The following TNFRSF11A variants were observed in gnomAD, a reference collection of about 807,000 sequenced individuals.
TNFRSF11A encodes the protein TNF receptor superfamily member 11a.
TNFRSF11A carries 32 observed loss-of-function variants against 55.7 expected under a neutral mutation model. The observed-to-expected ratio is 0.57, with a 90% CI of 0.43 to 0.77. The LOEUF (loss-of-function observed/expected upper bound fraction) is 0.77, where lower values mean the gene tolerates loss of function less well. Among genes scored for constraint, TNFRSF11A ranks in the 30% least tolerant of loss-of-function variants. The pLI is 0.00. For missense variants in TNFRSF11A, 753 were observed against 809.8 expected, an observed-to-expected ratio of 0.93 and a Z score of 0.85; for synonymous variants, 311 against 331.0, an observed-to-expected ratio of 0.94 and a Z score of 0.65.
chr18:62,365,953 G>T (rs775168098), intron 7 of TNFRSF11A, among the ~76,000 whole-genome samples: 1 of 152,070 alleles, frequency 6.6e-6, no homozygotes, highest in Non-Finnish European at 1.5e-5. Context: ...AAGTAGCTGG[G>T]ATTACAGGAC....
chr18:62,345,361 A>G (rs1460857914), intron 1 of TNFRSF11A, among the ~76,000 whole-genome samples: 1 of 152,222 alleles, frequency 6.6e-6, no homozygotes, highest in East Asian at 1.9e-4. Context: ...CATTTACTTA[A>G]AAATATGTAC....
At chr18:62,358,979 C>A (rs368676326) in intron 5 of TNFRSF11A, among the ~76,000 whole-genome samples, 1 of 152,132 alleles carries the variant, frequency 6.6e-6, no homozygotes, top group Non-Finnish European at 1.5e-5. Context: ...TGATTTCTCA[C>A]GTATGTGAGT....
chr18:62,370,952 C>T (rs1270693859), intron 9 of TNFRSF11A, among the ~76,000 whole-genome samples: 3 of 152,056 alleles, frequency 2.0e-5, no homozygotes, highest in Non-Finnish European at 4.4e-5. Flanking sequence ...GCCTCAGCCT[C>T]CCGAGTGGCT....
chr18:62,375,061 C>T (rs1600416045), intron 9 of TNFRSF11A, among the ~76,000 whole-genome samples: 1 of 149,556 alleles, frequency 6.7e-6, no homozygotes, highest in Non-Finnish European at 1.5e-5. Context: ...TGTACCACCA[C>T]ACCCTGCTAA....
chr18:62,331,062 G>A (rs1010888129), intron 1 of TNFRSF11A: 3 of 152,126 alleles, frequency 2.0e-5, no homozygotes, highest in East Asian at 1.9e-4. Flanking sequence ...AAATTAGCCC[G>A]GCGTGAGGGT....
At position 62,369,271 on chromosome 18, in the gene TNFRSF11A, C is replaced by T. The variant is rs1226936647; in HGVS notation, c.1354C>T (p.Pro452Ser). 2 of 1,613,380 alleles carry T rather than the reference C, an allele frequency of 1.2e-6. No homozygotes were observed. Among genetic ancestry groups the T allele is most frequent in the Non-Finnish European group, 1.7e-6 (2 of 1,179,972 alleles). ...AGATGTCTGCACAGGCTGCCGGAAC[C>T]CTCCTGGGGAGGACTGTGAACCCCT... is the stretch of plus-strand genomic sequence containing the variant. ...WADVCTGCRN[P>S]PGEDCEPLVG... Residue 452 changes from proline (P) to serine (S), a missense_variant, in exon 9 of 10, where the codon CCT (proline) becomes TCT (serine). This residue lies in a region of TNFRSF11A where 567 missense variants were observed against 596.7 expected (regional missense o/e 0.95). Transcript: ENST00000586569.
chr18:62,331,756 G>T (rs1448284628), intron 1 of TNFRSF11A, among the ~76,000 whole-genome samples: 1 of 152,224 alleles, frequency 6.6e-6, no homozygotes, highest in Non-Finnish European at 1.5e-5. Context: ...ACCAAGAGCT[G>T]CGCAAAAACT....
At chr18:62,380,637 C>T (rs982845322) in intron 9 of TNFRSF11A, among the ~76,000 whole-genome samples, 9 of 151,380 alleles carry the variant, frequency 5.9e-5, no homozygotes, top group Non-Finnish European at 7.4e-5. Context: ...CAGGTTTCAC[C>T]GTGTTAACCA....
intron 1 of TNFRSF11A, among the ~76,000 whole-genome samples, chr18:62,339,643 A>C (rs2046283814): frequency 6.6e-6 from 1 of 152,222 alleles, no homozygotes; most frequent in Non-Finnish European, 1.5e-5. Flanking sequence ...TCATGCAGGT[A>C]TGGGAGAGAG....
rs547310447 is a variant in TNFRSF11A at position 62,335,860 on chromosome 18, A to G, written c.75+10433A>G. ...TTATGAGGTTACAGTGGTCTTTGAG[A>G]AAAATTATTTATTAATTTATCAAGT... On this transcript the variant is annotated intron_variant, in intron 1 of 9. Coordinates refer to ENST00000586569, the MANE Select transcript of TNFRSF11A (RefSeq NM_003839.4). Among the ~76,000 whole-genome samples, 3 of 152,322 alleles carry G rather than the reference A, an allele frequency of 2.0e-5. No homozygotes were observed. In the South Asian group the frequency reaches 6.2e-4, roughly 32 times the overall value.
chr18:62,378,647 A>G (rs1911060724), intron 9 of TNFRSF11A, among the ~76,000 whole-genome samples: 1 of 152,092 alleles, frequency 6.6e-6, no homozygotes, highest in African/African-American at 2.4e-5. Context: ...ATCTTGTTTG[A>G]CCCTTATGCT....
intron 9 of TNFRSF11A, among the ~76,000 whole-genome samples, chr18:62,376,146 T>G (rs1910876981): frequency 6.6e-6 from 1 of 152,178 alleles, no homozygotes; most frequent in Non-Finnish European, 1.5e-5. Context: ...GACAGTAGGA[T>G]GCACAGTGCG....
At chr18:62,346,978 C>A (rs2046392993) in intron 1 of TNFRSF11A, among the ~76,000 whole-genome samples, 1 of 152,170 alleles carries the variant, frequency 6.6e-6, no homozygotes, top group Non-Finnish European at 1.5e-5. Context: ...CCAAAGTCTT[C>A]CTACTTCCTC....
chr18:62,383,058 G>A lies in TNFRSF11A; in HGVS notation c.1568-1693G>A, dbSNP rs115978425. On this transcript the variant is annotated intron_variant, in intron 9 of 9. Transcript: ENST00000586569. This position sits in a 1 kb window ranked among gnomAD's most constrained non-coding sequence, Gnocchi z 4.2. ...TGCATGCCTGGCAATGTGTGGAGAG[G>A]GGGTGGAGAAGGTGCTGGGTAGGTG... 2.0e-5 allele frequency among the ~76,000 whole-genome samples: 3 copies of A among 152,136 alleles called. No individual in the cohort carries two copies. Among genetic ancestry groups the A allele is most frequent in the African/African-American group, 7.2e-5 (3 of 41,412 alleles).
intron 3 of TNFRSF11A, among the ~76,000 whole-genome samples, chr18:62,352,744 TGCAGAGCTGACTGGG>T (rs2046492031): frequency 6.6e-6 from 1 of 152,214 alleles, no homozygotes; most frequent in Non-Finnish European, 1.5e-5. Flanking sequence ...GCCTTGATGT[TGCAGAGCTGACTGGG>T]GCCTTGGAAG....
chr18:62,348,028 C>G (rs1403795951), intron 1 of TNFRSF11A, 140 bp from the exon 2 acceptor site: 1 of 711,574 alleles, frequency 1.4e-6, no homozygotes, highest in South Asian at 1.6e-5. Flanking sequence ...CATTGCACTC[C>G]AGCCTGGGCA....
Position 62,384,971 on chromosome 18 carries a change from G to A in TNFRSF11A, c.1788G>A (p.Glu596=), listed in dbSNP as rs1476789172. 2 of 1,474,088 alleles carry A rather than the reference G, an allele frequency of 1.4e-6. No homozygotes were observed. The highest frequency in any genetic ancestry group is 1.5e-5 in the African/African-American group (1 of 68,072). 91.3% of individuals were successfully genotyped at this position (1,474,088 alleles called of 1,614,324 possible). A position where few individuals can be genotyped will look rare whatever the true frequency, so the allele number is the denominator to read the frequency against. The change falls in exon 10 of 10, where the codon GAG becomes GAA. Residue 596 remains glutamate, a synonymous_variant. Coordinates refer to ENST00000586569, the MANE Select transcript of TNFRSF11A (RefSeq NM_003839.4). ...PRFPDPCGGP[E]GLREPEKASR... is the part of the protein sequence containing the mutation. Reference sequence around the variant, plus strand: ...TCCCGGACCCGTGCGGCGGCCCCGAGGGGCTGCGGGAGCCGGAGAAGGCCT... The same window carrying A: ...TCCCGGACCCGTGCGGCGGCCCCGAAGGGCTGCGGGAGCCGGAGAAGGCCT...
intron 7 of TNFRSF11A, among the ~76,000 whole-genome samples, chr18:62,365,517 G>A (rs1408156517): frequency 6.6e-6 from 1 of 152,164 alleles, no homozygotes; most frequent in Non-Finnish European, 1.5e-5. Flanking sequence ...CTAGCTTGCT[G>A]TGTTTGCCTC....
chr18:62,385,774 C>G lies in TNFRSF11A; in HGVS notation c.*740C>G, dbSNP rs913303604. ...AGTACTGGGATTACAGGCGTGAGCC[C>G]CCACGCTGGCCTGCTTTACGTATTT... On this transcript the variant is annotated 3_prime_UTR_variant, in exon 10 of 10. Coordinates refer to ENST00000586569, the MANE Select transcript of TNFRSF11A (RefSeq NM_003839.4). 1 of 152,156 alleles carries G rather than the reference C, an allele frequency of 6.6e-6. No homozygotes were observed. Among genetic ancestry groups the G allele is most frequent in the East Asian group, 1.9e-4 (1 of 5,188 alleles). 9.4% of individuals were successfully genotyped at this position (152,156 alleles called of 1,614,324 possible).
Sources: gnomAD v4.1 joint callset for allele counts (sites outside exome capture counted in the v4.1 genomes callset) on GRCh38, gnomAD v4.1.1 for gene constraint, gnomAD v4.1.1 regional missense constraint, Gnocchi (gnomAD v3.1) non-coding constraint, MANE v1.5 for transcripts, NCBI Gene and HGNC (gene_info 2026-07-23, HGNC 2026-07-21) for gene names.